Variants in ST18 observed in about 807,000 individuals in gnomAD.
The protein encoded by ST18 is suppression of tumorigenicity 18 protein.
ST18 carries 50 observed loss-of-function variants against 110.0 expected under a neutral mutation model. The ratio of observed to expected loss-of-function variants is 0.45; its 90% CI spans 0.36 to 0.58. The LOEUF (loss-of-function observed/expected upper bound fraction) is 0.58. ST18 is among the 20% of genes least tolerant of loss of function. The pLI is 0.00. For missense variants in ST18, 1,306 were observed against 1,280.1 expected, an observed-to-expected ratio of 1.02 and a Z score of -0.31; for synonymous variants, 461 against 452.4, an observed-to-expected ratio of 1.02 and a Z score of -0.24.
At chr8:52,234,836 C>A (rs888498195) in intron 2 of ST18, among the ~76,000 whole-genome samples, 1 of 151,232 alleles carries the variant, frequency 6.6e-6, no homozygotes, top group Non-Finnish European at 1.5e-5. Flanking sequence ...GGGTTGGAGA[C>A]CATTAGTCTA....
At chr8:52,137,316 A>G (rs2052842734) in intron 18 of ST18, 105 bp downstream of exon 18, 1 of 1,191,672 alleles carries the variant, frequency 8.4e-7, no homozygotes, top group Non-Finnish European at 1.2e-6. Context: ...AACCCAACCA[A>G]CTCATTTCCT....
intron 2 of ST18, among the ~76,000 whole-genome samples, chr8:52,354,020 C>G (rs539770284): frequency 6.6e-6 from 1 of 152,360 alleles, no homozygotes; most frequent in East Asian, 1.9e-4. Context: ...TCTTCCGAAT[C>G]CAGGCCTTCA....
intron 5 of ST18, among the ~76,000 whole-genome samples, chr8:52,219,919 G>A (rs2085983841): frequency 6.6e-6 from 1 of 152,122 alleles, no homozygotes; most frequent in Admixed American, 6.5e-5. Context: ...TGGCAATGCT[G>A]AATATAAACC....
Position 52,113,167 on chromosome 8 carries a change from G to T in ST18, c.*31C>A. On this transcript the variant is annotated 3_prime_UTR_variant, in exon 26 of 26. Coordinates refer to ENST00000689386, the MANE Select transcript of ST18 (RefSeq NM_001352837.2). ...ATCCATCTGGAGTTTACTGCTGTTGGTAACTTCTGTTGCCCGGCAGCGCTG... is the reference window on the plus strand; with the variant it reads ...ATCCATCTGGAGTTTACTGCTGTTGTTAACTTCTGTTGCCCGGCAGCGCTG... 7.4e-6 allele frequency: 12 copies of T among 1,611,758 alleles called. No homozygotes were observed. The highest frequency in any genetic ancestry group is 1.0e-5 in the Non-Finnish European group (12 of 1,179,052).
rs1257114195 is a variant in ST18 at position 52,133,317 on chromosome 8, A to G, written c.2301-16T>C. The G allele has an allele frequency of 1.2e-6, 2 of 1,614,146 alleles. No individual in the cohort carries two copies. Among genetic ancestry groups the G allele is most frequent in the Non-Finnish European group, 1.7e-6 (2 of 1,180,020 alleles). On this transcript the variant is annotated splice_polypyrimidine_tract_variant and intron_variant, in intron 19 of 25. Coordinates refer to ENST00000689386, the MANE Select transcript of ST18 (RefSeq NM_001352837.2). The stretch of plus-strand genomic sequence containing the variant: ...GGTTGGACACCTGGAAGGCACAGGA[A>G]GAGAGCATGGGCTGAGAAGTTGTAG...
At chr8:52,380,660 C>T (rs544753479) in intron 2 of ST18, among the ~76,000 whole-genome samples, 1 of 152,168 alleles carries the variant, frequency 6.6e-6, no homozygotes, top group East Asian at 1.9e-4. Context: ...TATCCAGTGT[C>T]ATCCAGAAGA....
At chr8:52,345,521 C>A (rs2140255633) in intron 2 of ST18, among the ~76,000 whole-genome samples, 1 of 152,344 alleles carries the variant, frequency 6.6e-6, no homozygotes, top group Admixed American at 6.5e-5. Context: ...GTATATCTGA[C>A]AAACTCCAGT....
At chr8:52,406,125 A>T (rs1000976343) in intron 2 of ST18, 1 of 152,210 alleles carries the variant, frequency 6.6e-6, no homozygotes. Flanking sequence ...AGGGGAAAAA[A>T]GGTGATGGTC....
intron 2 of ST18, among the ~76,000 whole-genome samples, chr8:52,296,082 C>T (rs777924633): frequency 3.9e-5 from 6 of 151,960 alleles, no homozygotes; most frequent in Non-Finnish European, 7.4e-5. Flanking sequence ...CAGGCAAGTT[C>T]GGCAGCTGCT....
chr8:52,138,014 C>T (rs943975573), intron 17 of ST18, among the ~76,000 whole-genome samples: 7 of 147,706 alleles, frequency 4.7e-5, no homozygotes, highest in African/African-American at 1.3e-4. Flanking sequence ...GCAGGAGAAT[C>T]GGCTGAACTC....
intron 25 of ST18, among the ~76,000 whole-genome samples, chr8:52,113,954 G>GTTTTTTT (rs1158213340): frequency 0.038 from 1,716 of 45,438 alleles, 626 homozygotes; most frequent in Middle Eastern, 0.21. Flanking sequence ...TTCATACCGT[G>GTTTTTTT]TTTTTTTTTT....
At chr8:52,144,581 T>C (rs1187412568) in intron 16 of ST18, among the ~76,000 whole-genome samples, 2 of 152,178 alleles carry the variant, frequency 1.3e-5, no homozygotes, top group African/African-American at 2.4e-5. Context: ...CTGTCTCAAG[T>C]GACATTGTCT....
chr8:52,133,377 G>T (rs2050562243), intron 19 of ST18, 76 bp from the exon 20 acceptor site: 17 of 1,531,564 alleles, frequency 1.1e-5, no homozygotes, highest in Non-Finnish European at 1.4e-5. Flanking sequence ...AGTTATTTAG[G>T]TTCTTCAGTA....
At chr8:52,314,617 G>T (rs1276458801) in intron 2 of ST18, among the ~76,000 whole-genome samples, 1 of 152,134 alleles carries the variant, frequency 6.6e-6, no homozygotes, top group Non-Finnish European at 1.5e-5. Flanking sequence ...TTTGCTGATG[G>T]TCCCTTTTCC....
intron 2 of ST18, among the ~76,000 whole-genome samples, chr8:52,231,038 A>G (rs993565952): frequency 2.0e-5 from 3 of 152,240 alleles, no homozygotes; most frequent in African/African-American, 4.8e-5. Context: ...TTGCTCGTAC[A>G]TGAAAAGTGA....
chr8:52,204,055 A>G (rs2079040783), intron 8 of ST18, among the ~76,000 whole-genome samples: 1 of 152,220 alleles, frequency 6.6e-6, no homozygotes, highest in African/African-American at 2.4e-5. Flanking sequence ...TACATGATGA[A>G]TGTTTAAGGA....
At chr8:52,360,474 T>C (rs1229296706) in intron 2 of ST18, among the ~76,000 whole-genome samples, 2 of 152,046 alleles carry the variant, frequency 1.3e-5, no homozygotes, top group Admixed American at 6.6e-5. Flanking sequence ...CTTAACAAAA[T>C]ATTGTGGTAG....
intron 2 of ST18, among the ~76,000 whole-genome samples, chr8:52,272,402 A>G (rs1023311168): frequency 2.0e-4 from 30 of 152,202 alleles, no homozygotes; most frequent in African/African-American, 7.0e-4. Context: ...TTGAATAGAC[A>G]TTTCTCCAAA....
chr8:52,111,457 A>T lies in ST18; in HGVS notation c.*1741T>A, dbSNP rs1478641358. ...ACCTAAGAACAGACAGTTCATCTTC[A>T]CTAAACTAAGGTTCAAGAGTTCAAA... is the stretch of plus-strand genomic sequence containing the variant. On this transcript the variant is annotated 3_prime_UTR_variant, in exon 26 of 26. Coordinates refer to ENST00000689386, the MANE Select transcript of ST18 (RefSeq NM_001352837.2). The T allele has an allele frequency of 6.5e-6, 1 of 153,048 alleles. No homozygotes were observed. Among genetic ancestry groups the T allele is most frequent in the African/African-American group, 2.4e-5 (1 of 41,490 alleles). 9.5% of individuals were successfully genotyped at this position (153,048 alleles called of 1,614,324 possible). A position where few individuals can be genotyped will look rare whatever the true frequency, so the allele number is the denominator to read the frequency against.
Sources: gnomAD v4.1 joint callset for allele counts (sites outside exome capture counted in the v4.1 genomes callset) on GRCh38, gnomAD v4.1.1 for gene constraint, MANE v1.5 for transcripts, NCBI Gene and HGNC (gene_info 2026-07-23, HGNC 2026-07-21) for gene names.